The following ELFN1 variants were observed in gnomAD, a reference collection of about 807,000 sequenced individuals.
The protein encoded by ELFN1 is protein ELFN1.
A neutral mutation model predicts 7.6 loss-of-function variants in ELFN1; 6 were observed. That is an observed-to-expected ratio of 0.79 (90% confidence interval 0.43 to 1.56). ELFN1 has a LOEUF of 1.56. Among genes scored for constraint, ELFN1 ranks in the 40% most tolerant of loss-of-function variants. The pLI is 0.01. For synonymous variants in ELFN1, 657 were observed against 588.1 expected, an observed-to-expected ratio of 1.12 and a Z score of -1.70; for missense variants, 1,169 against 1,232.2, an observed-to-expected ratio of 0.95 and a Z score of 0.77.
intron 1 of ELFN1, among the ~76,000 whole-genome samples, chr7:1,685,610 C>T (rs1043818450): frequency 7.9e-5 from 12 of 151,756 alleles, no homozygotes; most frequent in Admixed American, 2.0e-4. Context: ...TTTTCATTTC[C>T]GCAGTCATAC....
rs1778807681 is a variant in ELFN1, at chr7:1,673,482, GCCCCCCCTC to G, written c.-549+3132_-549+3140del. Among the ~76,000 whole-genome samples the G allele has an allele frequency of 6.6e-6, 1 of 152,018 alleles. No individual in the cohort carries two copies. The highest frequency in any genetic ancestry group is 2.4e-5 in the African/African-American group (1 of 41,392). On this transcript the variant is annotated intron_variant, in intron 1 of 3. Coordinates refer to ENST00000424383, the MANE Select transcript of ELFN1 (RefSeq NM_001128636.4). This position sits in a 1 kb window ranked among gnomAD's most constrained non-coding sequence, Gnocchi z 4.7. ...TATGGGCACTCGAGCCCAGCACCGT[GCCCCCCCTC>G]CCCGCCCCCTGCCCCGGATGTCCCT... is the stretch of plus-strand genomic sequence containing the variant.
chr7:1,710,847 A>G (rs757612072), intron 3 of ELFN1, among the ~76,000 whole-genome samples: 55 of 152,236 alleles, frequency 3.6e-4, no homozygotes, highest in Non-Finnish European at 6.0e-4. Context: ...TAGGGCTGGA[A>G]GGCACCTTCG....
intron 1 of ELFN1, among the ~76,000 whole-genome samples, chr7:1,676,635 G>C (rs1318471055): frequency 6.6e-6 from 1 of 152,212 alleles, no homozygotes; most frequent in African/African-American, 2.4e-5. Context: ...CGCAGGTTCG[G>C]TCCCTGCGTC....
In ELFN1 at chr7:1,738,112, C is replaced by T. The variant is rs532123839; in HGVS notation, c.-293-6192C>T. Among the ~76,000 whole-genome samples the T allele has an allele frequency of 2.6e-3, 396 of 152,296 alleles. 2 individuals carry two copies. The highest frequency in any genetic ancestry group is 1.4e-3 in the Non-Finnish European group (97 of 68,028). ...AGCGGTTCTGGGAGCCCATTTCCCC[C>T]GCTAGCCCAGGCGACCCTGGCCAGT... is the stretch of plus-strand genomic sequence containing the variant. On this transcript the variant is annotated intron_variant, in intron 3 of 3. Coordinates refer to ENST00000424383, the MANE Select transcript of ELFN1 (RefSeq NM_001128636.4).
chr7:1,744,807 C>G lies in ELFN1; in HGVS notation c.211C>G (p.Arg71Gly), dbSNP rs1400883369. Residue 71 changes from arginine to glycine, a missense_variant, in exon 4 of 4, where the codon CGT becomes GGT. Arg to Gly is a moderately radical substitution (Grantham distance 125, BLOSUM62 -2). This residue lies in a region of ELFN1 where 255 missense variants were observed against 359.6 expected (regional missense o/e 0.71). Transcript: ENST00000424383. ...CGTGGACCTGCGGCTCAACGAGAAC[C>G]GTATCCGCAGCGTGCAGTACGCCTC... ...TIVDLRLNEN[R>G]IRSVQYASLS... The G allele has an allele frequency of 6.4e-7, 1 of 1,561,618 alleles. No homozygotes were observed. The highest frequency in any genetic ancestry group is 8.7e-7 in the Non-Finnish European group (1 of 1,152,264).
At chr7:1,726,080 A>G (rs912744220) in intron 3 of ELFN1, among the ~76,000 whole-genome samples, 1 of 152,052 alleles carries the variant, frequency 6.6e-6, no homozygotes, top group Non-Finnish European at 1.5e-5. Flanking sequence ...CAATACACAC[A>G]CAAAAATCAC....
rs551957050 is a variant in ELFN1, at chr7:1,744,565, G to T, written c.-32G>T. The T allele has an allele frequency of 2.8e-4, 404 of 1,462,552 alleles. 1 individual carries two copies. In the African/African-American group the frequency reaches 5.1e-3, roughly 18 times the overall value. 90.6% of individuals were successfully genotyped at this position (1,462,552 alleles called of 1,614,324 possible). ...CCCCCCACCTGGTCCCCCTGGGCAG[G>T]CTGAATTGGGGCTCCCTGCAGGGCG... On this transcript the variant is annotated 5_prime_UTR_variant, in exon 4 of 4. Coordinates refer to ENST00000424383, the MANE Select transcript of ELFN1 (RefSeq NM_001128636.4).
At position 1,693,523 on chromosome 7, in the gene ELFN1, T is replaced by C. The variant is rs556487955; in HGVS notation, c.-456+5373T>C. 7 of 471,226 alleles carry C rather than the reference T, an allele frequency of 1.5e-5. No individual in the cohort carries two copies. The East Asian group carries it at 3.5e-4, about 23-fold the overall frequency. 29.2% of individuals were successfully genotyped at this position (471,226 alleles called of 1,614,324 possible). On this transcript the variant is annotated intron_variant, in intron 2 of 3. Coordinates refer to ENST00000424383, the MANE Select transcript of ELFN1 (RefSeq NM_001128636.4). ...ATGTGTGGTGTGGGGCGTGACCCAC[T>C]TCCTGGTGCAAGAACACATACACGC...
intron 3 of ELFN1, among the ~76,000 whole-genome samples, chr7:1,716,283 G>A (rs552498202): frequency 6.6e-6 from 1 of 152,344 alleles, no homozygotes; most frequent in East Asian, 1.9e-4. Flanking sequence ...CAGCCAGAGG[G>A]TCTAGGGTCA....
intron 2 of ELFN1, among the ~76,000 whole-genome samples, chr7:1,691,637 T>A (rs150010048): frequency 6.6e-6 from 1 of 152,340 alleles, no homozygotes; most frequent in Non-Finnish European, 1.5e-5. Flanking sequence ...CCTGACCCAC[T>A]GCCAGCTCTG....
chr7:1,746,450 C>T lies in ELFN1; in HGVS notation c.1854C>T (p.Asp618=), dbSNP rs546443014. The change falls in exon 4 of 4, where the codon GAC becomes GAT. Residue 618 remains aspartate, a synonymous_variant. Transcript: ENST00000424383. The part of the protein sequence containing the change: ...KHGFLAPGYK[D]AFGHSLQRHH... ...GCTTCCTGGCGCCCGGGTACAAGGA[C>T]GCCTTCGGCCACAGCCTGCAGCGGC... 1,645 of 1,527,502 alleles carry T rather than the reference C, an allele frequency of 1.1e-3. 2 individuals carry two copies. The highest frequency in any genetic ancestry group is 1.1e-3 in the Non-Finnish European group (1,243 of 1,141,366). 94.6% of individuals were successfully genotyped at this position (1,527,502 alleles called of 1,614,324 possible). A position where few individuals can be genotyped will look rare whatever the true frequency, so the allele number is the denominator to read the frequency against.
intron 3 of ELFN1, among the ~76,000 whole-genome samples, chr7:1,722,618 T>A (rs1780059674): frequency 6.6e-6 from 1 of 152,056 alleles, no homozygotes; most frequent in African/African-American, 2.4e-5. Flanking sequence ...TTTAATACCG[T>A]CTCTGGTGTC....
intron 1 of ELFN1, among the ~76,000 whole-genome samples, chr7:1,679,753 C>A (rs374785038): frequency 6.6e-6 from 1 of 152,190 alleles, no homozygotes. Flanking sequence ...GTCCCTTCCC[C>A]CTGCCCCCTG....
At chr7:1,733,056 A>G (rs1780357109) in intron 3 of ELFN1, among the ~76,000 whole-genome samples, 1 of 151,970 alleles carries the variant, frequency 6.6e-6, no homozygotes, top group Non-Finnish European at 1.5e-5. Flanking sequence ...ACCTGCCACC[A>G]CGCCCGGCTA....
chr7:1,693,279 G>A, intron 2 of ELFN1: 1 of 451,504 alleles, frequency 2.2e-6, no homozygotes, highest in Non-Finnish European at 4.7e-6. Flanking sequence ...AGGATGTACT[G>A]GCTGGGGAAA....
upstream of ELFN1, among the ~76,000 whole-genome samples, chr7:1,668,884 C>G (rs187360823): frequency 6.6e-6 from 1 of 152,302 alleles, no homozygotes; most frequent in Non-Finnish European, 1.5e-5. Context: ...TTCCAGGGCC[C>G]CTGCCCCCCA....
chr7:1,696,392 C>CTTTT (rs964898176), intron 2 of ELFN1, among the ~76,000 whole-genome samples: 7 of 137,248 alleles, frequency 5.1e-5, no homozygotes, highest in Non-Finnish European at 9.5e-5. Flanking sequence ...TTCTTTCTTT[C>CTTTT]TTTTTTTTTT....
Position 1,744,480 on chromosome 7 carries a change from C to T in ELFN1, c.-117C>T. On this transcript the variant is annotated 5_prime_UTR_variant, in exon 4 of 4. Coordinates refer to ENST00000424383, the MANE Select transcript of ELFN1 (RefSeq NM_001128636.4). ...GCCATGCGGTTTGGGACAGGACACC[C>T]CTGAGAGTGCAGGCACCTCCCCCTC... is the stretch of plus-strand genomic sequence containing the variant. 8.2e-7 allele frequency: 1 copy of T among 1,225,142 alleles called. No homozygotes were observed. The highest frequency in any genetic ancestry group is 1.1e-6 in the Non-Finnish European group (1 of 916,860). 75.9% of individuals were successfully genotyped at this position (1,225,142 alleles called of 1,614,324 possible). A position where few individuals can be genotyped will look rare whatever the true frequency, so the allele number is the denominator to read the frequency against.
upstream of ELFN1, among the ~76,000 whole-genome samples, chr7:1,669,977 C>T (rs1353992157): frequency 1.3e-5 from 2 of 151,524 alleles, no homozygotes; most frequent in Non-Finnish European, 2.9e-5. Flanking sequence ...TCCCCAGCCC[C>T]TGCGCGTCGC....
Sources: gnomAD v4.1 joint callset for allele counts (sites outside exome capture counted in the v4.1 genomes callset) on GRCh38, gnomAD v4.1.1 for gene constraint, gnomAD v4.1.1 regional missense constraint, Gnocchi (gnomAD v3.1) non-coding constraint, MANE v1.5 for transcripts, NCBI Gene and HGNC (gene_info 2026-07-23, HGNC 2026-07-21) for gene names.